The following LRRC69 variants were observed in gnomAD, a reference collection of about 807,000 sequenced individuals.
The protein encoded by LRRC69 is leucine rich repeat containing 69, also known as leucine-rich repeat-containing protein 69.
In LRRC69, 42 loss-of-function variants were observed where a neutral mutation model predicts 37.8. The observed-to-expected ratio is 1.11, with a 90% CI of 0.87 to 1.44. LRRC69 has a LOEUF of 1.44. Among genes scored for constraint, LRRC69 ranks in the 40% most tolerant of loss-of-function variants. The probability of loss-of-function intolerance (pLI) is 0.00; values close to 1 mark genes in which losing one functional copy is unlikely to be tolerated. For missense variants in LRRC69, 357 were observed against 401.9 expected, an observed-to-expected ratio of 0.89 and a Z score of 0.96; for synonymous variants, 141 against 143.1, an observed-to-expected ratio of 0.99 and a Z score of 0.11.
At chr8:91,215,159 C>T (rs1810019782) in intron 7 of LRRC69, among the ~76,000 whole-genome samples, 3 of 152,058 alleles carry the variant, frequency 2.0e-5, no homozygotes, top group African/African-American at 2.4e-5. Context: ...TGCAATGTCC[C>T]TTTTGCTATG....
At chr8:91,142,359 T>G (rs1271342465) in intron 5 of LRRC69, among the ~76,000 whole-genome samples, 1 of 152,128 alleles carries the variant, frequency 6.6e-6, no homozygotes, top group Admixed American at 6.6e-5. Flanking sequence ...TTATGACTAC[T>G]TTTCAAATTC....
chr8:91,117,721 T>C (rs973036849), intron 1 of LRRC69, among the ~76,000 whole-genome samples: 2 of 151,832 alleles, frequency 1.3e-5, no homozygotes, highest in East Asian at 3.9e-4. Context: ...GCACCAACAA[T>C]GTGCCTTGTT....
At chr8:91,158,966 T>C (rs1808888074) in intron 5 of LRRC69, among the ~76,000 whole-genome samples, 1 of 151,172 alleles carries the variant, frequency 6.6e-6, no homozygotes, top group South Asian at 2.1e-4. Flanking sequence ...GACTGACACT[T>C]GTACACTAGG....
intron 1 of LRRC69, chr8:91,118,401 C>T (rs1586228055): frequency 6.6e-6 from 2 of 305,282 alleles, no homozygotes; most frequent in Middle Eastern, 1.2e-3. Flanking sequence ...AAAAGCCAGG[C>T]GTGGTGGCAC....
intron 5 of LRRC69, among the ~76,000 whole-genome samples, chr8:91,177,850 C>CTTTTTT (rs10645044): frequency 1.5e-5 from 2 of 130,840 alleles, no homozygotes; most frequent in African/African-American, 2.9e-5. Flanking sequence ...TTCTGCTTTT[C>CTTTTTT]TTTTTTTTTT....
At position 91,150,452 on chromosome 8, in the gene LRRC69, A is replaced by G. The variant is rs1271975130; in HGVS notation, c.651+14713A>G. On this transcript the variant is annotated intron_variant, in intron 5 of 7. Coordinates refer to ENST00000448384, the Ensembl canonical transcript of LRRC69. ...GATGAAGCCCATTTGATCATGGTGG[A>G]TAAGCTTTTTGATGTGCTGCTGGAT... 2.6e-5 allele frequency among the ~76,000 whole-genome samples: 4 copies of G among 152,052 alleles called. No homozygotes were observed. The East Asian group carries it at 7.7e-4, about 29-fold the overall frequency.
chr8:91,160,273 G>C (rs56277320), intron 5 of LRRC69, among the ~76,000 whole-genome samples: 69,617 of 149,704 alleles, frequency 0.47, 17,777 homozygotes, highest in South Asian at 0.65. Context: ...GTTCAAACAG[G>C]TTTTTTGGCG....
chr8:91,216,748 T>G (rs1810054898), intron 7 of LRRC69, among the ~76,000 whole-genome samples: 1 of 152,164 alleles, frequency 6.6e-6, no homozygotes, highest in South Asian at 2.1e-4. Context: ...ATATCTTATA[T>G]AGTAGATTTA....
At chr8:91,196,187 G>C (rs1809596699) in intron 6 of LRRC69, among the ~76,000 whole-genome samples, 1 of 151,902 alleles carries the variant, frequency 6.6e-6, no homozygotes, top group African/African-American at 2.4e-5. Context: ...CTCTCTTCTG[G>C]CTTGTAGGGT....
At chr8:91,135,205 C>T (rs1813888451) in intron 4 of LRRC69, among the ~76,000 whole-genome samples, 1 of 151,996 alleles carries the variant, frequency 6.6e-6, no homozygotes, top group Non-Finnish European at 1.5e-5. Flanking sequence ...AAGAGGACTC[C>T]CTTCAAGGAT....
At chr8:91,163,156 T>G (rs2130568247) in intron 5 of LRRC69, among the ~76,000 whole-genome samples, 1 of 151,510 alleles carries the variant, frequency 6.6e-6, no homozygotes, top group Non-Finnish European at 1.5e-5. Flanking sequence ...TCCTCACAAC[T>G]CAGTCAAAGT....
At position 91,133,437 on chromosome 8, in the gene LRRC69, G is replaced by A. The variant is rs1263018167; in HGVS notation, c.579+132G>A. ...CTTTCTCTCAGATTAAATGTAGTCA[G>A]TTCCCAAATCCCTATGACAGAAGAA... On this transcript the variant is annotated intron_variant, in intron 4 of 7. Coordinates refer to ENST00000448384, the Ensembl canonical transcript of LRRC69. 6.9e-5 allele frequency: 41 copies of A among 596,264 alleles called. 1 individual carries two copies. The East Asian group carries it at 1.4e-3, about 20-fold the overall frequency. 36.9% of individuals were successfully genotyped at this position (596,264 alleles called of 1,614,324 possible). A position where few individuals can be genotyped will look rare whatever the true frequency, so the allele number is the denominator to read the frequency against.
chr8:91,105,785 C>T (rs1412093861), intron 1 of LRRC69, among the ~76,000 whole-genome samples: 1 of 151,668 alleles, frequency 6.6e-6, no homozygotes, highest in Non-Finnish European at 1.5e-5. Flanking sequence ...CAGCTATATA[C>T]AAGGCACTTA....
intron 7 of LRRC69, among the ~76,000 whole-genome samples, chr8:91,216,830 T>C (rs1445435969): frequency 6.6e-6 from 1 of 152,176 alleles, no homozygotes; most frequent in African/African-American, 2.4e-5. Context: ...GTATTGTTGA[T>C]ATCCCATGAT....
intron 2 of LRRC69, 113 bp downstream of exon 2, chr8:91,124,732 G>T: frequency 1.1e-6 from 1 of 884,446 alleles, no homozygotes. Context: ...TTTTGTTGGA[G>T]ATATTTACAT....
chr8:91,190,284 T>A (rs1384727073), intron 6 of LRRC69, among the ~76,000 whole-genome samples: 4 of 151,906 alleles, frequency 2.6e-5, no homozygotes, highest in Non-Finnish European at 5.9e-5. Flanking sequence ...TTTTTTTTAA[T>A]TAAATTATTG....
intron 1 of LRRC69, among the ~76,000 whole-genome samples, chr8:91,115,157 A>G (rs1424554302): frequency 1.3e-5 from 2 of 152,064 alleles, no homozygotes; most frequent in Non-Finnish European, 2.9e-5. Flanking sequence ...ATTGTATAGT[A>G]TACTTGAAAT....
At chr8:91,157,550 G>A in intron 5 of LRRC69, 7 of 1,518,458 alleles carry the variant, frequency 4.6e-6, no homozygotes, top group Non-Finnish European at 6.4e-6. Flanking sequence ...GAGAATGAGG[G>A]TTTACTCCTG....
intron 5 of LRRC69, among the ~76,000 whole-genome samples, chr8:91,165,264 G>A (rs1809008877): frequency 1.3e-5 from 2 of 151,634 alleles, no homozygotes; most frequent in South Asian, 2.1e-4. Context: ...GGTTTTATAG[G>A]AGGGTACATT....
Sources: allele counts gnomAD v4.1 joint callset (sites outside exome capture counted in the v4.1 genomes callset), GRCh38; gene constraint gnomAD v4.1.1; transcripts MANE v1.5; gene names NCBI Gene and HGNC (gene_info 2026-07-23, HGNC 2026-07-21).